The following GATA3 variants were observed in gnomAD, a reference collection of about 807,000 sequenced individuals.
GATA3 encodes GATA binding protein 3.
A neutral mutation model predicts 36.0 loss-of-function variants in GATA3; 6 were observed. That is an observed-to-expected ratio of 0.17 (90% CI 0.09 to 0.33). The LOEUF is 0.33. GATA3 is among the 10% of genes least tolerant of loss of function. GATA3 has a pLI of 1.00. For synonymous variants in GATA3, 326 were observed against 273.0 expected, an observed-to-expected ratio of 1.19 and a Z score of -1.92; for missense variants, 514 against 610.1, an observed-to-expected ratio of 0.84 and a Z score of 1.66.
rs1832604563 is a variant in GATA3, at chr10:8,055,191, T to A, written c.-369-96T>A. On this transcript the variant is annotated intron_variant, in intron 1 of 5. Transcript: ENST00000379328. This position sits in a 1 kb window ranked among gnomAD's most constrained non-coding sequence, Gnocchi z 5.4. ...CCGTGTCCCCGCGCTCCCGTGCGGG[T>A]CTCGGGTGCGCTGGGCGGGCGGGCG... The A allele has an allele frequency of 4.0e-6, 1 of 251,000 alleles. No individual in the cohort carries two copies. The highest frequency in any genetic ancestry group is 5.3e-5 in the Admixed American group (1 of 18,716). 15.5% of individuals were successfully genotyped at this position (251,000 alleles called of 1,614,324 possible).
intron 3 of GATA3, among the ~76,000 whole-genome samples, chr10:8,062,129 T>A (rs1320280794): frequency 6.6e-6 from 1 of 152,182 alleles, no homozygotes; most frequent in Non-Finnish European, 1.5e-5. Flanking sequence ...GTCTGCCACA[T>A]CCCTCAGGCT....
At chr10:8,072,976 C>G (rs1832954408) in intron 5 of GATA3, among the ~76,000 whole-genome samples, 1 of 151,896 alleles carries the variant, frequency 6.6e-6, no homozygotes, top group African/African-American at 2.4e-5. Flanking sequence ...GAAACCCCGT[C>G]TCTACTAAAA....
rs1832681845 is a variant in GATA3 at position 8,058,423 on chromosome 10, G to T, written c.360G>T (p.Thr120=). The change falls in exon 3 of 6, where the codon ACG becomes ACT. Residue 120 remains threonine (T), a synonymous_variant. Coordinates refer to ENST00000379328, the MANE Select transcript of GATA3 (RefSeq NM_001002295.2). ...SPWNLSPFSK[T]SIHHGSPGPL... is the part of the protein sequence containing the mutation. ...GGAATCTCAGCCCCTTCTCCAAGACGTCCATCCACCACGGCTCCCCGGGGC... is the reference window on the plus strand; with the variant it reads ...GGAATCTCAGCCCCTTCTCCAAGACTTCCATCCACCACGGCTCCCCGGGGC... 1.9e-6 allele frequency: 3 copies of T among 1,612,846 alleles called. No individual in the cohort carries two copies. The highest frequency in any genetic ancestry group is 2.5e-6 in the Non-Finnish European group (3 of 1,179,936).
intron 5 of GATA3, among the ~76,000 whole-genome samples, chr10:8,069,916 C>CA (rs1182362100): frequency 5.9e-5 from 9 of 151,544 alleles, no homozygotes; most frequent in African/African-American, 2.2e-4. Context: ...TTTTGGAAAA[C>CA]AAAAAAAGCC....
chr10:8,047,181 G>C (rs916670570), intron 1 of GATA3, among the ~76,000 whole-genome samples: 3 of 152,350 alleles, frequency 2.0e-5, no homozygotes, highest in Admixed American at 2.0e-4. Flanking sequence ...CTTTTGGGTT[G>C]TCCAGTTGCC....
upstream of GATA3, chr10:8,051,162 G>GA: frequency 4.2e-6 from 2 of 475,434 alleles, no homozygotes; most frequent in Admixed American, 4.6e-5. Flanking sequence ...GGGCGGGTGG[G>GA]AGGGACTTGC....
chr10:8,049,310 C>G (rs898650017), upstream of GATA3, among the ~76,000 whole-genome samples: 3 of 152,162 alleles, frequency 2.0e-5, no homozygotes, highest in African/African-American at 7.2e-5. Context: ...GTTTTAGGGT[C>G]CCTCTTTCTC....
chr10:8,049,008 C>T (rs1354694544), upstream of GATA3, among the ~76,000 whole-genome samples: 2 of 152,092 alleles, frequency 1.3e-5, no homozygotes, highest in African/African-American at 4.8e-5. Context: ...TTTGACTCTC[C>T]CCACGGCTCG....
intron 2 of GATA3, among the ~76,000 whole-genome samples, chr10:8,058,010 C>G (rs1284829864): frequency 6.6e-6 from 1 of 152,080 alleles, no homozygotes; most frequent in Non-Finnish European, 1.5e-5. Flanking sequence ...GCAAAGGGGC[C>G]CTTCTCCCCC....
intron 3 of GATA3, among the ~76,000 whole-genome samples, chr10:8,059,140 G>C (rs1832706313): frequency 6.6e-6 from 1 of 152,208 alleles, no homozygotes; most frequent in African/African-American, 2.4e-5. Context: ...AGGACTTCTG[G>C]ATTGGGCTGG....
At chr10:8,065,837 T>C (rs1398961406) in intron 4 of GATA3, among the ~76,000 whole-genome samples, 1 of 142,218 alleles carries the variant, frequency 7.0e-6, no homozygotes, top group Non-Finnish European at 1.5e-5. Flanking sequence ...CACCAAGATG[T>C]TTGAACGTAT....
At chr10:8,061,832 G>A (rs940573980) in intron 3 of GATA3, among the ~76,000 whole-genome samples, 2 of 152,168 alleles carry the variant, frequency 1.3e-5, no homozygotes, top group East Asian at 1.9e-4. Flanking sequence ...GGGTGCCCAG[G>A]AGCCGGGTGG....
Position 8,055,711 on chromosome 10 carries a change from T to A in GATA3, c.56T>A (p.Leu19His). The A allele has an allele frequency of 6.4e-7, 1 of 1,565,920 alleles. No homozygotes were observed. The highest frequency in any genetic ancestry group is 8.7e-7 in the Non-Finnish European group (1 of 1,155,566). ...GTGAGCCACCACCACCCCGCCGTGC[T>A]CAACGGGCAGCACCCGGACACGCAC... ...RWVSHHHPAVLNGQHPDTHHP... is the reference protein window; with the variant it reads ...RWVSHHHPAVHNGQHPDTHHP... The change falls in exon 2 of 6, where the codon CTC (leucine) becomes CAC (histidine). Residue 19 changes from leucine to histidine, a missense_variant. Leu to His is a moderately conservative substitution (Grantham distance 99, BLOSUM62 -3). Transcript: ENST00000379328. The surrounding 1 kb of genome is among the most constrained non-coding windows in gnomAD (Gnocchi z 5.4).
At chr10:8,058,983 C>T (rs138793266) in intron 3 of GATA3, 142 bp downstream of exon 3, 5 of 762,970 alleles carry the variant, frequency 6.6e-6, no homozygotes, top group Non-Finnish European at 1.0e-5. Context: ...TTCTTCCTGC[C>T]GGGAAGGCAC....
upstream of GATA3, among the ~76,000 whole-genome samples, chr10:8,054,380 C>A (rs936298778): frequency 6.6e-6 from 1 of 152,224 alleles, no homozygotes; most frequent in Admixed American, 6.5e-5. The surrounding 1 kb of genome is among the most constrained non-coding windows in gnomAD (Gnocchi z 4.2). Context: ...TGGCAGGAGC[C>A]GCGGCCACAT....
intron 5 of GATA3, among the ~76,000 whole-genome samples, chr10:8,071,942 A>G (rs548466133): frequency 5.8e-4 from 88 of 152,204 alleles, no homozygotes; most frequent in Non-Finnish European, 1.1e-3. Context: ...ATAGCTAGAT[A>G]TCGGCATCAG....
intron 2 of GATA3, among the ~76,000 whole-genome samples, chr10:8,058,019 C>G (rs1395539873): frequency 6.6e-6 from 1 of 152,130 alleles, no homozygotes. Flanking sequence ...CCCTTCTCCC[C>G]CTCTGCAGCA....
At chr10:8,058,881 C>T in intron 3 of GATA3, 40 bp downstream of exon 3, 2 of 1,584,930 alleles carry the variant, frequency 1.3e-6, no homozygotes, top group South Asian at 1.1e-5. Flanking sequence ...TCTCCTCCCT[C>T]CTCCCCTTTT....
rs1832414774 is a variant in GATA3 at position 8,048,129 on chromosome 10, C to T, written c.-370+2614C>T. On this transcript the variant is annotated intron_variant, in intron 1 of 1. Coordinates refer to the GATA3 transcript ENST00000643001. Reference sequence around the variant, plus strand: ...AGATGAGTCAAAACACAATAGTCCCCAGATAAAGCCCTCCTTCTCCTCCTA... The same window carrying T: ...AGATGAGTCAAAACACAATAGTCCCTAGATAAAGCCCTCCTTCTCCTCCTA... Among the ~76,000 whole-genome samples, 3 of 152,298 alleles carry T rather than the reference C, an allele frequency of 2.0e-5. No homozygotes were observed. The South Asian group carries it at 6.2e-4, about 32-fold the overall frequency.
Sources: gnomAD v4.1 joint callset for allele counts (sites outside exome capture counted in the v4.1 genomes callset) on GRCh38, gnomAD v4.1.1 for gene constraint, Gnocchi (gnomAD v3.1) non-coding constraint, MANE v1.5 for transcripts, NCBI Gene and HGNC (gene_info 2026-07-23, HGNC 2026-07-21) for gene names.